The following OR8G1 variants were observed in gnomAD, a reference collection of about 807,000 sequenced individuals.
OR8G1 encodes the protein olfactory receptor family 8 subfamily G member 1.
For missense variants in OR8G1, 372 were observed against 356.2 expected (o/e 1.04, Z -0.36); for synonymous variants, 129 against 133.3 (o/e 0.97, Z 0.22).
chr11:124,245,796 G>A (rs1861805453), intron 1 of OR8G1, among the ~76,000 whole-genome samples: 1 of 150,050 alleles, frequency 6.7e-6, no homozygotes, highest in Non-Finnish European at 1.5e-5. Context: ...GTGTTTTTTG[G>A]CTGCATAAAT....
Position 124,252,154 on chromosome 11 carries a change from A to C in OR8G1, c.*1543A>C, listed in dbSNP as rs888278926. The C allele has an allele frequency of 2.0e-5, 3 of 152,300 alleles. No homozygotes were observed. The highest frequency in any genetic ancestry group is 7.2e-5 in the African/African-American group (3 of 41,570). 9.4% of individuals were successfully genotyped at this position (152,300 alleles called of 1,614,324 possible). ...AACTCTAAAAACATGGCATGTATAA[A>C]ATTGAGCATACCAAGTAGATTTGGA... is the stretch of plus-strand genomic sequence containing the variant. On this transcript the variant is annotated 3_prime_UTR_variant, in exon 3 of 3. Transcript: ENST00000641972.
intron 1 of OR8G1, among the ~76,000 whole-genome samples, chr11:124,245,765 T>C (rs1186261711): frequency 2.1e-5 from 3 of 144,592 alleles, no homozygotes; most frequent in East Asian, 4.0e-4. Context: ...TGATGGCCAG[T>C]GATGGTGAGC....
In OR8G1 at chr11:124,250,527, G is replaced by C; in HGVS notation, c.852G>C (p.Met284Ile). ...TGTTTTATACTATTATTGTGCCCAT[G>C]TTGAACCCTCTGATTTATAGCCTGA... ...SSVFYTIIVP[M>I]LNPLIYSLRN... The change falls in exon 3 of 3, where the codon ATG becomes ATC. Residue 284 changes from methionine to isoleucine, a missense_variant. By Grantham distance (10) the Met-to-Ile change is conservative. Transcript: ENST00000641972. 6.2e-7 allele frequency: 1 copy of C among 1,607,596 alleles called. No individual in the cohort carries two copies. Among genetic ancestry groups the C allele is most frequent in the Non-Finnish European group, 8.5e-7 (1 of 1,178,122 alleles).
At chr11:124,247,682 T>C (rs900299773) in intron 1 of OR8G1, 119 bp from the exon 2 acceptor site, 18 of 139,890 alleles carry the variant, frequency 1.3e-4, no homozygotes, top group Non-Finnish European at 1.5e-5. Flanking sequence ...TAATATTTTA[T>C]GTGTGTGTGC....
chr11:124,250,522 C>T lies in OR8G1; in HGVS notation c.847C>T (p.Pro283Ser), dbSNP rs1341028858. The change falls in exon 3 of 3, where the codon CCC (proline) becomes TCC (serine). Residue 283 changes from proline to serine, a missense_variant. Pro to Ser is a moderately conservative substitution (Grantham distance 74, BLOSUM62 -1). Coordinates refer to ENST00000641972, the MANE Select transcript of OR8G1 (RefSeq NM_001002905.2). ...CTCTGTGTTTTATACTATTATTGTG[C>T]CCATGTTGAACCCTCTGATTTATAG... ...VSSVFYTIIV[P>S]MLNPLIYSLR... 2 of 1,612,744 alleles carry T rather than the reference C, an allele frequency of 1.2e-6. No homozygotes were observed. The highest frequency in any genetic ancestry group is 1.7e-4 in the Middle Eastern group (1 of 6,052).
rs1270708160 is a variant in OR8G1, at chr11:124,251,915, A to C, written c.*1304A>C. The C allele has an allele frequency of 6.6e-6, 1 of 152,494 alleles. No homozygotes were observed. The highest frequency in any genetic ancestry group is 1.5e-5 in the Non-Finnish European group (1 of 68,240). 9.4% of individuals were successfully genotyped at this position (152,494 alleles called of 1,614,324 possible). A position where few individuals can be genotyped will look rare whatever the true frequency, so the allele number is the denominator to read the frequency against. On this transcript the variant is annotated 3_prime_UTR_variant, in exon 3 of 3. Transcript: ENST00000641972. ...GGGTGCTACGTGATCAAATACAATA[A>C]GCTATGTTTCTATAACCAGAAGAAA... is the stretch of plus-strand genomic sequence containing the variant.
At chr11:124,248,297 T>C (rs2137748771) in intron 2 of OR8G1, among the ~76,000 whole-genome samples, 1 of 152,112 alleles carries the variant, frequency 6.6e-6, no homozygotes, top group South Asian at 2.1e-4. Flanking sequence ...CCTTCTCATT[T>C]TCTTAATACT....
At chr11:124,248,457 A>G (rs893537873) in intron 2 of OR8G1, among the ~76,000 whole-genome samples, 2 of 151,776 alleles carry the variant, frequency 1.3e-5, no homozygotes, top group East Asian at 1.9e-4. Context: ...ATCTCAAAGA[A>G]TTTCTCTAGC....
rs1861847917 is a variant in OR8G1, at chr11:124,249,857, A to G, written c.182A>G (p.Tyr61Cys). ...LSSHLHTPMY[Y>C]FLSSLSFIDF... The stretch of plus-strand genomic sequence containing the variant: ...TCTCACCTGCACACCCCTATGTACT[A>G]TTTCCTCAGCAGTCTGTCCTTCATT... Residue 61 changes from tyrosine (Y) to cysteine (C), a missense_variant, in exon 3 of 3, where the codon TAT becomes TGT. Coordinates refer to ENST00000641972, the MANE Select transcript of OR8G1 (RefSeq NM_001002905.2). 1.2e-6 allele frequency: 2 copies of G among 1,613,628 alleles called. No individual in the cohort carries two copies. The highest frequency in any genetic ancestry group is 8.5e-7 in the Non-Finnish European group (1 of 1,179,948).
At chr11:124,242,230 A>C (rs1441639423) in intron 1 of OR8G1, among the ~76,000 whole-genome samples, 2 of 152,016 alleles carry the variant, frequency 1.3e-5, no homozygotes, top group Non-Finnish European at 2.9e-5. Flanking sequence ...GGATACATGA[A>C]AATGCTCACT....
chr11:124,246,576 A>G (rs1861812499), intron 1 of OR8G1, among the ~76,000 whole-genome samples: 1 of 151,836 alleles, frequency 6.6e-6, no homozygotes, highest in South Asian at 2.1e-4. Flanking sequence ...AGTGGGAGAC[A>G]TTGACATACC....
At chr11:124,242,320 T>TA (rs1861768823) in intron 1 of OR8G1, among the ~76,000 whole-genome samples, 2 of 152,054 alleles carry the variant, frequency 1.3e-5, no homozygotes, top group African/African-American at 4.8e-5. Context: ...GTCTTTCTTT[T>TA]AAAAATATAT....
chr11:124,249,544 T>TTAC (rs1319312783), intron 2 of OR8G1, 116 bp from the exon 3 acceptor site: 17 of 868,860 alleles, frequency 2.0e-5, no homozygotes, highest in Admixed American at 3.1e-5. Flanking sequence ...TAAACTTTAC[T>TTAC]TACTCAAAGG....
chr11:124,252,049 C>G lies in OR8G1; in HGVS notation c.*1438C>G, dbSNP rs1021277768. Reference sequence around the variant, plus strand: ...TATTTAATCACAGGCTCCTGGATATCGAAACTATAGTTTGTCCATCCTTTT... The same window carrying G: ...TATTTAATCACAGGCTCCTGGATATGGAAACTATAGTTTGTCCATCCTTTT... On this transcript the variant is annotated 3_prime_UTR_variant, in exon 3 of 3. Transcript: ENST00000641972. The G allele has an allele frequency of 6.6e-6, 1 of 152,058 alleles. No homozygotes were observed. The highest frequency in any genetic ancestry group is 1.5e-5 in the Non-Finnish European group (1 of 68,012). 9.4% of individuals were successfully genotyped at this position (152,058 alleles called of 1,614,324 possible).
chr11:124,243,197 T>TCG (rs1861776337), intron 1 of OR8G1, among the ~76,000 whole-genome samples: 3 of 151,996 alleles, frequency 2.0e-5, no homozygotes, highest in Non-Finnish European at 4.4e-5. Context: ...TAGCTGGCTT[T>TCG]GGTCAGACCT....
chr11:124,249,834 T>C lies in OR8G1; in HGVS notation c.159T>C (p.Ser53=), dbSNP rs1861847500. The C allele has an allele frequency of 6.2e-7, 1 of 1,614,040 alleles. No homozygotes were observed. The highest frequency in any genetic ancestry group is 1.7e-5 in the Admixed American group (1 of 59,970). ...TGACCACACTGATTTGGCTCAGTTCTCACCTGCACACCCCTATGTACTATT... is the reference window on the plus strand; with the variant it reads ...TGACCACACTGATTTGGCTCAGTTCCCACCTGCACACCCCTATGTACTATT... ...LGMTTLIWLS[S]HLHTPMYYFL... The change falls in exon 3 of 3, where the codon TCT becomes TCC. Residue 53 remains serine (S), a synonymous_variant. Coordinates refer to ENST00000641972, the MANE Select transcript of OR8G1 (RefSeq NM_001002905.2).
intron 1 of OR8G1, among the ~76,000 whole-genome samples, chr11:124,246,999 A>C (rs946594160): frequency 3.3e-5 from 5 of 151,674 alleles, no homozygotes; most frequent in Non-Finnish European, 7.4e-5. Flanking sequence ...TTGTATACCA[A>C]ACCTTGCGAG....
chr11:124,241,451 A>G (rs2137743202), intron 1 of OR8G1, 87 bp downstream of exon 1: 1 of 152,234 alleles, frequency 6.6e-6, no homozygotes, highest in South Asian at 2.1e-4. Flanking sequence ...ATTATTCCTC[A>G]TTATCTTTAC....
Position 124,250,246 on chromosome 11 carries a change from A to G in OR8G1, c.571A>G (p.Ser191Gly), listed in dbSNP as rs766722609. The G allele has an allele frequency of 5.6e-6, 9 of 1,613,746 alleles. No individual in the cohort carries two copies. In the South Asian group the frequency reaches 8.8e-5, roughly 16 times the overall value. Residue 191 changes from serine to glycine, a missense_variant, in exon 3 of 3, where the codon AGT becomes GGT. By Grantham distance (56) the Ser-to-Gly change is moderately conservative. Transcript: ENST00000641972. ...TCCCCTCCTAAAGCTCTCTTGCTCT[A>G]GTATCTATGTCAACAAACTACTTAT... is the stretch of plus-strand genomic sequence containing the variant. Reference protein sequence around the residue: ...LLPLLKLSCSSIYVNKLLILC... With the variant: ...LLPLLKLSCSGIYVNKLLILC...
Sources: allele counts gnomAD v4.1 joint callset (sites outside exome capture counted in the v4.1 genomes callset), GRCh38; gene constraint gnomAD v4.1.1; transcripts MANE v1.5; gene names NCBI Gene and HGNC (gene_info 2026-07-23, HGNC 2026-07-21).